USP50: variants seen among roughly 807,000 people sequenced by gnomAD.
USP50 encodes ubiquitin specific peptidase 50.
A neutral mutation model predicts 39.2 loss-of-function variants in USP50; 37 were observed. The ratio of observed to expected loss-of-function variants is 0.94; its 90% CI spans 0.73 to 1.24. The LOEUF (loss-of-function observed/expected upper bound fraction) is 1.24. Among genes scored for constraint, USP50 ranks in the 50% most tolerant of loss-of-function variants. USP50 has a pLI of 0.00. For synonymous variants in USP50, 139 were observed against 144.5 expected (o/e 0.96, Z 0.27); for missense variants, 374 against 398.2 (o/e 0.94, Z 0.52).
intron 6 of USP50, among the ~76,000 whole-genome samples, chr15:50,521,951 G>A (rs528585539): frequency 1.3e-5 from 2 of 152,226 alleles, no homozygotes; most frequent in Admixed American, 6.5e-5. Flanking sequence ...GCAATAGAAC[G>A]AGACTCCATC....
At chr15:50,501,390 C>G (rs2052585268) in intron 6 of USP50, 1 of 151,848 alleles carries the variant, frequency 6.6e-6, no homozygotes, top group African/African-American at 2.4e-5. Context: ...GGGAGGATCT[C>G]TCGAGCCTGA....
At chr15:50,496,624 G>A (rs2052422430), downstream of USP50, among the ~76,000 whole-genome samples, 1 of 151,828 alleles carries the variant, frequency 6.6e-6, no homozygotes, top group South Asian at 2.1e-4. Flanking sequence ...TTTCAGGATT[G>A]TTAGTATGTT....
chr15:50,536,904 T>C (rs1323581603), intron 5 of USP50, among the ~76,000 whole-genome samples: 1 of 152,088 alleles, frequency 6.6e-6, no homozygotes, highest in Middle Eastern at 3.2e-3. Context: ...GCAATCCCAA[T>C]CAAAATCCCA....
intron 5 of USP50, among the ~76,000 whole-genome samples, chr15:50,537,911 A>AGGGG (rs2052993879): frequency 1.1e-4 from 2 of 18,424 alleles, no homozygotes; most frequent in African/African-American, 3.3e-4. Context: ...AAGGGGAGGG[A>AGGGG]AGGGAAGGGA....
downstream of USP50, chr15:50,495,713 C>CA: frequency 1.5e-6 from 1 of 662,208 alleles, no homozygotes; most frequent in Non-Finnish European, 2.5e-6. Context: ...TTGCCACACT[C>CA]AGTGAGATCA....
intron 6 of USP50, chr15:50,509,124 C>T (rs1390451029): frequency 1.9e-5 from 2 of 105,446 alleles, no homozygotes; most frequent in African/African-American, 8.1e-5. Context: ...CAGAGCGAGA[C>T]TCCGTCACAA....
intron 6 of USP50, among the ~76,000 whole-genome samples, chr15:50,525,190 C>T (rs1452568616): frequency 6.6e-6 from 1 of 152,026 alleles, no homozygotes; most frequent in African/African-American, 2.4e-5. Context: ...AAATACTGCA[C>T]GATTTCACTT....
rs566887151 is a variant in USP50, at chr15:50,543,727, G to A, written c.315C>T (p.Asp105=). 6.2e-7 allele frequency: 1 copy of A among 1,611,214 alleles called. No homozygotes were observed. The highest frequency in any genetic ancestry group is 1.7e-5 in the Admixed American group (1 of 59,564). Residue 105 remains aspartate (D), a synonymous_variant, in exon 3 of 7, where the codon GAC becomes GAT. Transcript: ENST00000532404. ...ACCAGAATATTTCTGGTGAGACACAGTCTGAGTCTCCCAGCCACATGTCTG... is the reference window on the plus strand; with the variant it reads ...ACCAGAATATTTCTGGTGAGACACAATCTGAGTCTCCCAGCCACATGTCTG... ...LMTDMWLGDS[D]CVSPEIFWSA...
chr15:50,516,257 G>T (rs992677497), intron 6 of USP50, among the ~76,000 whole-genome samples: 1 of 152,058 alleles, frequency 6.6e-6, no homozygotes, highest in African/African-American at 2.4e-5. Flanking sequence ...CTACAAAATG[G>T]CAGTAGCAAA....
At chr15:50,504,785 C>T (rs1451273466) in intron 6 of USP50, 1 of 151,726 alleles carries the variant, frequency 6.6e-6, no homozygotes, top group Non-Finnish European at 1.5e-5. Context: ...CAAGACCAAC[C>T]TGGTACACAT....
At chr15:50,499,795 TTC>T (rs917366399), downstream of USP50, 2 of 152,176 alleles carry the variant, frequency 1.3e-5, no homozygotes, top group African/African-American at 4.8e-5. Flanking sequence ...CCTGTGGGTG[TTC>T]TGTCTTTAAT....
At chr15:50,518,433 G>A (rs764661720) in intron 6 of USP50, among the ~76,000 whole-genome samples, 20 of 151,024 alleles carry the variant, frequency 1.3e-4, no homozygotes, top group Non-Finnish European at 2.5e-4. Context: ...CCGCAGTCTC[G>A]ATCTCCTGAC....
At chr15:50,499,158 G>C (rs921476037), downstream of USP50, 3 of 1,445,440 alleles carry the variant, frequency 2.1e-6, no homozygotes, top group African/African-American at 4.3e-5. Flanking sequence ...TGCTTATCAG[G>C]ATAATGGTAG....
rs1230717291 is a variant in USP50, at chr15:50,525,656, G to GTGTATAT, written c.936+4140_936+4141insATATACA. Among the ~76,000 whole-genome samples the GTGTATAT allele has an allele frequency of 4.5e-3, 342 of 75,194 alleles. 7 individuals carry two copies. The highest frequency in any genetic ancestry group is 0.016 in the African/African-American group (330 of 20,370). 49.3% of individuals were successfully genotyped at this position (75,194 alleles called of 152,430 possible). On this transcript the variant is annotated intron_variant, in intron 6 of 6. Coordinates refer to ENST00000532404, the MANE Select transcript of USP50 (RefSeq NM_203494.5). ...TATATGTATATGTGTATATGTATAT[G>GTGTATAT]TATATATGTATATGTATATATGTAT... is the stretch of plus-strand genomic sequence containing the variant.
chr15:50,498,374 T>C (rs1268484200), downstream of USP50: 1 of 483,634 alleles, frequency 2.1e-6, no homozygotes, highest in Non-Finnish European at 3.5e-6. Context: ...TCTGGCTGTT[T>C]GACCTTAGGC....
chr15:50,534,342 G>A (rs943221092), intron 5 of USP50, among the ~76,000 whole-genome samples: 7 of 152,124 alleles, frequency 4.6e-5, no homozygotes, highest in African/African-American at 1.4e-4. Context: ...ACTAACAAAT[G>A]TTTTAAAAAG....
At chr15:50,540,532 A>T (rs1270706258) in intron 4 of USP50, among the ~76,000 whole-genome samples, 1 of 152,174 alleles carries the variant, frequency 6.6e-6, no homozygotes, top group Non-Finnish European at 1.5e-5. Flanking sequence ...CGTTGAGTAC[A>T]TTTAAAAATA....
At chr15:50,510,376 A>G (rs1012570202) in intron 6 of USP50, 4 of 152,188 alleles carry the variant, frequency 2.6e-5, no homozygotes, top group Non-Finnish European at 5.9e-5. Context: ...TTCCAACCAA[A>G]TTAAAACTTG....
chr15:50,530,069 G>A (rs1047687068), intron 5 of USP50, 140 bp from the exon 6 acceptor site: 3 of 1,108,302 alleles, frequency 2.7e-6, no homozygotes, highest in Non-Finnish European at 3.9e-6. Flanking sequence ...AACTTTGGGA[G>A]GCCAAGGTGG....
Sources: gnomAD v4.1 joint callset for allele counts (sites outside exome capture counted in the v4.1 genomes callset) on GRCh38, gnomAD v4.1.1 for gene constraint, MANE v1.5 for transcripts, NCBI Gene and HGNC (gene_info 2026-07-23, HGNC 2026-07-21) for gene names.